MARCO: variants seen among roughly 807,000 people sequenced by gnomAD.
The protein encoded by MARCO is macrophage receptor with collagenous structure.
In MARCO, 72 loss-of-function variants were observed where a neutral mutation model predicts 70.0. The observed-to-expected ratio is 1.03, with a 90% CI of 0.85 to 1.25. The LOEUF (loss-of-function observed/expected upper bound fraction) is 1.25. Among genes scored for constraint, MARCO ranks in the 50% most tolerant of loss-of-function variants. The pLI is 0.00. For missense variants in MARCO, 696 were observed against 659.3 expected (o/e 1.06, Z -0.61); for synonymous variants, 273 against 243.1 (o/e 1.12, Z -1.14).
intron 13 of MARCO, among the ~76,000 whole-genome samples, chr2:118,990,913 G>C (rs1206165668): frequency 6.6e-6 from 1 of 152,134 alleles, no homozygotes; most frequent in Non-Finnish European, 1.5e-5. Flanking sequence ...GAGAGCTGGG[G>C]GTGCAGGCAG....
intron 1 of MARCO, among the ~76,000 whole-genome samples, chr2:118,962,127 T>C (rs570382946): frequency 4.2e-4 from 64 of 152,336 alleles, no homozygotes; most frequent in African/African-American, 1.5e-3. Flanking sequence ...TGTAGACTTG[T>C]AGAATAGTTT....
At chr2:118,968,903 C>T (rs1680107871) in intron 1 of MARCO, among the ~76,000 whole-genome samples, 1 of 152,212 alleles carries the variant, frequency 6.6e-6, no homozygotes, top group African/African-American at 2.4e-5. Context: ...GTTGATATGA[C>T]ACCTTTTCCA....
intron 1 of MARCO, among the ~76,000 whole-genome samples, chr2:118,958,157 C>A (rs1679873521): frequency 6.6e-6 from 1 of 151,670 alleles, no homozygotes; most frequent in Admixed American, 6.6e-5. Context: ...CCAGAGCAAT[C>A]AGACAAGATT....
At chr2:118,977,790 A>G in intron 7 of MARCO, 38 bp from the exon 8 acceptor site, 1 of 1,508,204 alleles carries the variant, frequency 6.6e-7, no homozygotes. Flanking sequence ...CCCCAAAAGG[A>G]TAGTGGGAGC....
chr2:118,978,466 C>T (rs1170168707), intron 8 of MARCO, among the ~76,000 whole-genome samples: 5 of 152,212 alleles, frequency 3.3e-5, no homozygotes, highest in African/African-American at 7.2e-5. Context: ...GCACCACACT[C>T]GAAGAAACAC....
At chr2:118,992,725 C>T (rs1190920655) in intron 15 of MARCO, among the ~76,000 whole-genome samples, 1 of 151,598 alleles carries the variant, frequency 6.6e-6, no homozygotes, top group Non-Finnish European at 1.5e-5. Context: ...CCTTTTCTCT[C>T]TCCCTCCCTC....
At chr2:118,960,974 G>T (rs62157405) in intron 1 of MARCO, among the ~76,000 whole-genome samples, 1 of 152,044 alleles carries the variant, frequency 6.6e-6, no homozygotes, top group East Asian at 1.9e-4. Context: ...CCACATATAA[G>T]TGAGAACATG....
chr2:118,965,052 G>C (rs1680019052), intron 1 of MARCO, among the ~76,000 whole-genome samples: 1 of 152,034 alleles, frequency 6.6e-6, no homozygotes, highest in South Asian at 2.1e-4. Flanking sequence ...AGTTTATCAT[G>C]TTTGCGATTT....
chr2:118,980,843 C>T (rs1034239844), intron 8 of MARCO, among the ~76,000 whole-genome samples: 2 of 152,086 alleles, frequency 1.3e-5, no homozygotes, highest in Non-Finnish European at 2.9e-5. Flanking sequence ...CAGGCACCAG[C>T]AAGAGAGGAG....
In MARCO at chr2:118,970,242, G is replaced by T. The variant is rs1456356736; in HGVS notation, c.328G>T (p.Ala110Ser). 1 of 1,614,090 alleles carries T rather than the reference G, an allele frequency of 6.2e-7. No homozygotes were observed. Among genetic ancestry groups the T allele is most frequent in the Non-Finnish European group, 8.5e-7 (1 of 1,180,018 alleles). ...AHPGEHLAQG[A>S]SRLQVLQAQL... Reference sequence around the variant, plus strand: ...CCCTGGAGAACACCTGGCTCAGGGTGCATCGAGGCTGCAAGTCCTGCAGGC... The same window carrying T: ...CCCTGGAGAACACCTGGCTCAGGGTTCATCGAGGCTGCAAGTCCTGCAGGC... Residue 110 changes from alanine (A) to serine (S), a missense_variant, in exon 3 of 17, where the codon GCA (alanine) becomes TCA (serine). Transcript: ENST00000327097.
intron 8 of MARCO, among the ~76,000 whole-genome samples, chr2:118,980,318 A>T (rs1196326923): frequency 3.3e-5 from 5 of 152,166 alleles, no homozygotes; most frequent in African/African-American, 1.2e-4. Context: ...GTTCCTTAGG[A>T]TTGCTTTGTC....
At chr2:118,961,345 G>A (rs1348918099) in intron 1 of MARCO, among the ~76,000 whole-genome samples, 1 of 152,142 alleles carries the variant, frequency 6.6e-6, no homozygotes, top group Non-Finnish European at 1.5e-5. Context: ...CAGTGTAAAA[G>A]TGTTCCTATT....
intron 12 of MARCO, among the ~76,000 whole-genome samples, chr2:118,984,000 T>C (rs1680441254): frequency 6.6e-6 from 1 of 152,212 alleles, no homozygotes. Flanking sequence ...CTCCTGCTAA[T>C]GAGCATCTTC....
chr2:118,958,768 C>A (rs1679884882), intron 1 of MARCO, among the ~76,000 whole-genome samples: 1 of 151,988 alleles, frequency 6.6e-6, no homozygotes, highest in Non-Finnish European at 1.5e-5. Context: ...ACTATAAGGC[C>A]ACAGTCACCA....
intron 1 of MARCO, among the ~76,000 whole-genome samples, chr2:118,961,822 G>T (rs190269837): frequency 1.3e-5 from 2 of 152,240 alleles, no homozygotes; most frequent in East Asian, 3.9e-4. Context: ...GTATTGCCTA[G>T]ATTTTCTTCC....
intron 1 of MARCO, among the ~76,000 whole-genome samples, chr2:118,967,511 C>T (rs1680075450): frequency 6.6e-6 from 1 of 152,130 alleles, no homozygotes; most frequent in Non-Finnish European, 1.5e-5. Flanking sequence ...GTGGGGCTCA[C>T]TCAGGCTGCT....
At chr2:118,983,896 T>C (rs570834617) in intron 12 of MARCO, among the ~76,000 whole-genome samples, 117 of 152,254 alleles carry the variant, frequency 7.7e-4, no homozygotes, top group African/African-American at 2.8e-3. Flanking sequence ...TTGTGCTTAC[T>C]CCCCAAGCCC....
At chr2:118,950,887 T>C (rs1285202359) in intron 1 of MARCO, among the ~76,000 whole-genome samples, 1 of 152,044 alleles carries the variant, frequency 6.6e-6, no homozygotes, top group Non-Finnish European at 1.5e-5. Context: ...GGCCACAAGA[T>C]TAGAAGTTAG....
intron 1 of MARCO, among the ~76,000 whole-genome samples, chr2:118,963,699 T>C (rs568090863): frequency 6.6e-6 from 1 of 152,322 alleles, no homozygotes; most frequent in Admixed American, 6.5e-5. Flanking sequence ...TATAATTGTG[T>C]ATTGTCTATT....
Sources: gnomAD v4.1 joint callset for allele counts (sites outside exome capture counted in the v4.1 genomes callset) on GRCh38, gnomAD v4.1.1 for gene constraint, MANE v1.5 for transcripts, NCBI Gene and HGNC (gene_info 2026-07-23, HGNC 2026-07-21) for gene names.